SYT16: variants seen among roughly 807,000 people sequenced by gnomAD.
The protein encoded by SYT16 is synaptotagmin-16.
Under a neutral mutation model 61.4 loss-of-function variants are expected in SYT16, and 42 were observed. That is an observed-to-expected ratio of 0.68 (90% confidence interval 0.53 to 0.89). The LOEUF is 0.89. Among genes scored for constraint, SYT16 ranks in the 40% least tolerant of loss-of-function variants. The pLI is 0.00. For missense variants in SYT16, 804 were observed against 807.3 expected (o/e 1.00, Z 0.05); for synonymous variants, 314 against 302.3 (o/e 1.04, Z -0.40).
At chr14:61,931,377 AT>A (rs1331042779) in intron 1 of SYT16, among the ~76,000 whole-genome samples, 5 of 152,324 alleles carry the variant, frequency 3.3e-5, no homozygotes, top group Admixed American at 2.6e-4. Context: ...TTTTTTAAAA[AT>A]ATTCGCTTGT....
chr14:61,881,350 C>T (rs1594818165), intron 1 of SYT16, among the ~76,000 whole-genome samples: 1 of 152,214 alleles, frequency 6.6e-6, no homozygotes, highest in Non-Finnish European at 1.5e-5. Context: ...TAGTCATGGT[C>T]TCTACTTCCT....
chr14:61,890,128 C>G (rs888789725), intron 1 of SYT16, among the ~76,000 whole-genome samples: 1 of 152,196 alleles, frequency 6.6e-6, no homozygotes, highest in Non-Finnish European at 1.5e-5. Context: ...TTTCTTCCTC[C>G]TTTCACTTTT....
chr14:61,816,786 C>A (rs992686049), intron 1 of SYT16, among the ~76,000 whole-genome samples: 3 of 149,764 alleles, frequency 2.0e-5, no homozygotes, highest in Non-Finnish European at 4.5e-5. Flanking sequence ...CCGAGGCGGA[C>A]GGATCACGAG....
intron 1 of SYT16, among the ~76,000 whole-genome samples, chr14:61,947,194 G>A (rs1352548289): frequency 6.6e-6 from 1 of 151,492 alleles, no homozygotes; most frequent in Non-Finnish European, 1.5e-5. Context: ...AGAATCCTGG[G>A]CTCTGGTCTC....
chr14:62,086,377 G>A (rs2056886448), intron 7 of SYT16, among the ~76,000 whole-genome samples: 1 of 152,178 alleles, frequency 6.6e-6, no homozygotes, highest in Non-Finnish European at 1.5e-5. Flanking sequence ...CTACTTGGGA[G>A]GCTGAGGCCA....
intron 1 of SYT16, among the ~76,000 whole-genome samples, chr14:61,959,829 G>T (rs2051041955): frequency 6.6e-6 from 1 of 151,986 alleles, no homozygotes; most frequent in Admixed American, 6.6e-5. Context: ...CACTACCTTA[G>T]TTTTTTTGTG....
At chr14:61,881,488 C>A (rs1050459765) in intron 1 of SYT16, among the ~76,000 whole-genome samples, 39 of 152,198 alleles carry the variant, frequency 2.6e-4, no homozygotes, top group Non-Finnish European at 5.4e-4. Flanking sequence ...TGTTAATATC[C>A]TCTGCATCTC....
chr14:62,040,350 G>A (rs1341471518), intron 3 of SYT16, among the ~76,000 whole-genome samples: 1 of 152,176 alleles, frequency 6.6e-6, no homozygotes, highest in Non-Finnish European at 1.5e-5. Flanking sequence ...GTTAACATCT[G>A]CCTGCTACAA....
intron 1 of SYT16, among the ~76,000 whole-genome samples, chr14:61,817,843 A>G (rs1371247329): frequency 2.0e-5 from 3 of 152,224 alleles, no homozygotes; most frequent in African/African-American, 7.2e-5. Flanking sequence ...CAAAGGCTTT[A>G]GGAAAAAAGG....
chr14:61,919,010 G>A (rs1340917002), intron 1 of SYT16, among the ~76,000 whole-genome samples: 3 of 152,096 alleles, frequency 2.0e-5, no homozygotes, highest in African/African-American at 7.2e-5. Flanking sequence ...CAGGTCCTGG[G>A]GTGCAGTCTT....
At chr14:61,848,522 C>G (rs1028296204) in intron 1 of SYT16, among the ~76,000 whole-genome samples, 1 of 152,166 alleles carries the variant, frequency 6.6e-6, no homozygotes, top group African/African-American at 2.4e-5. Flanking sequence ...ATGGTCAGAC[C>G]TGGAACCAGC....
In SYT16 at chr14:61,872,540, A is replaced by G. The variant is rs541620621; in HGVS notation, c.-325+59730A>G. Among the ~76,000 whole-genome samples the G allele has an allele frequency of 8.5e-5, 13 of 152,336 alleles. No individual in the cohort carries two copies. In the East Asian group the frequency reaches 2.1e-3, roughly 25 times the overall value. On this transcript the variant is annotated intron_variant, in intron 1 of 7. Coordinates refer to ENST00000683842, the MANE Select transcript of SYT16 (RefSeq NM_001367656.1). ...TTGAGATCTTCCTGCATTAGTTCAC[A>G]TGAATTTAACTGGATCTCAGCAGCT...
chr14:61,973,755 A>G (rs763977167), intron 2 of SYT16, among the ~76,000 whole-genome samples: 10 of 152,140 alleles, frequency 6.6e-5, no homozygotes, highest in Non-Finnish European at 1.3e-4. Flanking sequence ...CTTTTAAGAA[A>G]GCATAGACAA....
intron 2 of SYT16, among the ~76,000 whole-genome samples, chr14:61,972,861 A>T (rs2051619816): frequency 6.6e-6 from 1 of 152,152 alleles, no homozygotes; most frequent in South Asian, 2.1e-4. Context: ...TTAAGTCTTC[A>T]TTTGCAAATT....
intron 3 of SYT16, among the ~76,000 whole-genome samples, chr14:62,048,683 T>G (rs1401585705): frequency 2.0e-5 from 3 of 152,186 alleles, no homozygotes; most frequent in African/African-American, 7.2e-5. Flanking sequence ...CGTGTCTTTG[T>G]TCTTGTTGGT....
At chr14:61,986,964 A>C (rs1203478293) in intron 2 of SYT16, among the ~76,000 whole-genome samples, 3 of 152,228 alleles carry the variant, frequency 2.0e-5, no homozygotes, top group African/African-American at 7.2e-5. Context: ...CTGTGATCTC[A>C]TAGAAAGTCT....
intron 5 of SYT16, among the ~76,000 whole-genome samples, chr14:62,080,616 A>G (rs1177285631): frequency 1.3e-5 from 2 of 152,210 alleles, no homozygotes; most frequent in Non-Finnish European, 2.9e-5. Flanking sequence ...CATTCCAAAA[A>G]CATTCACGAA....
At chr14:61,874,908 A>G (rs1390050305) in intron 1 of SYT16, among the ~76,000 whole-genome samples, 2 of 152,168 alleles carry the variant, frequency 1.3e-5, no homozygotes, top group Non-Finnish European at 2.9e-5. Flanking sequence ...AAGGAAAAGT[A>G]GGGAGATGAG....
rs552087739 is a variant in SYT16 at position 62,049,250 on chromosome 14, T to G, written c.524-20353T>G. ...ATGTAATGGCCTTCTTTGTCTCTTT[T>G]GATCTTTGTTGGTTTAAAGTCTGTT... On this transcript the variant is annotated intron_variant, in intron 3 of 7. Transcript: ENST00000683842. Among the ~76,000 whole-genome samples, 46 of 152,352 alleles carry G rather than the reference T, an allele frequency of 3.0e-4. No homozygotes were observed. In the South Asian group the frequency reaches 4.3e-3, roughly 14 times the overall value.
Sources: gnomAD v4.1 joint callset for allele counts (sites outside exome capture counted in the v4.1 genomes callset) on GRCh38, gnomAD v4.1.1 for gene constraint, MANE v1.5 for transcripts, NCBI Gene and HGNC (gene_info 2026-07-23, HGNC 2026-07-21) for gene names.